Variants in CDH12 observed in about 807,000 individuals in gnomAD.
The protein encoded by CDH12 is cadherin 12.
A neutral mutation model predicts 74.1 loss-of-function variants in CDH12; 41 were observed. That is an observed-to-expected ratio of 0.55 (90% CI 0.43 to 0.72). CDH12 has a LOEUF of 0.72. CDH12 is among the 30% of genes least tolerant of loss of function. The pLI is 0.00. For missense variants in CDH12, 945 were observed against 977.2 expected (o/e 0.97, Z 0.44); for synonymous variants, 399 against 355.0 (o/e 1.12, Z -1.39).
At chr5:21,760,712 T>A in intron 12 of CDH12, 37 bp from the exon 13 acceptor site, 1 of 1,225,518 alleles carries the variant, frequency 8.2e-7, no homozygotes, top group Non-Finnish European at 1.2e-6. Context: ...GTCATCAGTT[T>A]CAAAGAGGAC....
chr5:22,502,196 T>C (rs1177399787), intron 2 of CDH12, among the ~76,000 whole-genome samples: 2 of 152,032 alleles, frequency 1.3e-5, no homozygotes, highest in Non-Finnish European at 2.9e-5. Flanking sequence ...CAGTGGGAGG[T>C]AATTGAATCA....
chr5:22,709,922 A>G (rs184454100), intron 1 of CDH12, among the ~76,000 whole-genome samples: 10 of 152,260 alleles, frequency 6.6e-5, no homozygotes, highest in Non-Finnish European at 1.2e-4. Flanking sequence ...CAAAGGTGTG[A>G]TTATGTGTAG....
intron 12 of CDH12, among the ~76,000 whole-genome samples, chr5:21,761,258 T>C (rs928952590): frequency 2.0e-5 from 3 of 152,182 alleles, no homozygotes; most frequent in Non-Finnish European, 4.4e-5. Flanking sequence ...AAATTTTTCC[T>C]AAATTGCTTC....
chr5:21,780,999 G>A (rs1450427289), intron 11 of CDH12, among the ~76,000 whole-genome samples: 2 of 152,108 alleles, frequency 1.3e-5, no homozygotes, highest in Admixed American at 1.3e-4. Flanking sequence ...TCAAGAAGGG[G>A]AGACTGTCAT....
At chr5:22,190,369 TATCTATCTATC>T (rs1398151602) in intron 4 of CDH12, among the ~76,000 whole-genome samples, 22 of 136,426 alleles carry the variant, frequency 1.6e-4, no homozygotes, top group Non-Finnish European at 2.9e-4. Context: ...TCTATCTATC[TATCTATCTATC>T]TATCTATCTA....
intron 5 of CDH12, among the ~76,000 whole-genome samples, chr5:22,051,020 C>T (rs908741832): frequency 7.2e-5 from 11 of 152,124 alleles, no homozygotes; most frequent in African/African-American, 2.7e-4. Context: ...CTTACTCAGG[C>T]TGTCATTAAG....
intron 2 of CDH12, among the ~76,000 whole-genome samples, chr5:22,465,556 G>A (rs534527512): frequency 1.1e-4 from 17 of 152,294 alleles, no homozygotes; most frequent in Admixed American, 9.1e-4. Context: ...TAAGGTAGGA[G>A]GATTGCTTGA....
At chr5:22,282,866 T>C (rs1321400015) in intron 3 of CDH12, among the ~76,000 whole-genome samples, 1 of 152,108 alleles carries the variant, frequency 6.6e-6, no homozygotes, top group Non-Finnish European at 1.5e-5. Flanking sequence ...AAATGCCACT[T>C]GACCCAGCAA....
intron 5 of CDH12, among the ~76,000 whole-genome samples, chr5:22,024,000 G>C (rs923165012): frequency 6.6e-6 from 1 of 152,162 alleles, no homozygotes; most frequent in Admixed American, 6.6e-5. Flanking sequence ...ACTGCAAAGT[G>C]CTGGGAGTTG....
chr5:22,490,601 C>T (rs866344421), intron 2 of CDH12, among the ~76,000 whole-genome samples: 2 of 151,724 alleles, frequency 1.3e-5, no homozygotes, highest in African/African-American at 4.8e-5. Context: ...GCAAATTTCT[C>T]AACTTTAGAA....
At position 22,117,466 on chromosome 5, in the gene CDH12, ATAATATATATAT is replaced by A. The variant is rs1290916853; in HGVS notation, c.-186-38616_-186-38605del. 8.4e-4 allele frequency among the ~76,000 whole-genome samples: 55 copies of A among 65,636 alleles called. 1 individual carries two copies. The highest frequency in any genetic ancestry group is 3.1e-3 in the African/African-American group (55 of 18,014). 43.1% of individuals were successfully genotyped at this position (65,636 alleles called of 152,430 possible). ...TATATATAATATATATATTATATAT[ATAATATATATAT>A]TATATATATATTATATATATATAAT... is the stretch of plus-strand genomic sequence containing the variant. On this transcript the variant is annotated intron_variant, in intron 4 of 14. Coordinates refer to ENST00000382254, the MANE Select transcript of CDH12 (RefSeq NM_004061.5).
chr5:22,454,996 A>T (rs565484953), intron 2 of CDH12, among the ~76,000 whole-genome samples: 1 of 152,330 alleles, frequency 6.6e-6, no homozygotes, highest in African/African-American at 2.4e-5. Flanking sequence ...ATGTGAAGGA[A>T]TGAAGAAGTA....
In CDH12 at chr5:22,012,314, G is replaced by A. The variant is rs1363187906; in HGVS notation, c.232-36929C>T. On this transcript the variant is annotated intron_variant, in intron 5 of 14. Transcript: ENST00000382254. The stretch of plus-strand genomic sequence containing the variant: ...TAATTGTTGTCAAATAAGTGAAAGA[G>A]TTGTTAGACTTTAAAAAAAACATTA... Among the ~76,000 whole-genome samples the A allele has an allele frequency of 2.0e-5, 3 of 151,938 alleles. No homozygotes were observed. The East Asian group carries it at 5.8e-4, about 29-fold the overall frequency.
In CDH12 at chr5:21,751,716, A is replaced by G; in HGVS notation, c.*21T>C. ...TTTAAAAATCTCCCCTCTCGGTTGTATTTTAGCCTCCACGACTCCCTTAAG... is the reference window on the plus strand; with the variant it reads ...TTTAAAAATCTCCCCTCTCGGTTGTGTTTTAGCCTCCACGACTCCCTTAAG... On this transcript the variant is annotated 3_prime_UTR_variant, in exon 15 of 15. Transcript: ENST00000382254. 1 of 1,576,940 alleles carries G rather than the reference A, an allele frequency of 6.3e-7. No homozygotes were observed. The highest frequency in any genetic ancestry group is 8.6e-7 in the Non-Finnish European group (1 of 1,165,468).
chr5:21,881,723 G>A (rs1318972501), intron 6 of CDH12, among the ~76,000 whole-genome samples: 1 of 152,008 alleles, frequency 6.6e-6, no homozygotes, highest in African/African-American at 2.4e-5. Flanking sequence ...ATACAAAATG[G>A]TTACTAATGG....
At chr5:22,283,203 GAGATATATATAT>G (rs201244777) in intron 3 of CDH12, among the ~76,000 whole-genome samples, 19,112 of 75,300 alleles carry the variant, frequency 0.25, 1,415 homozygotes, top group Admixed American at 0.35. Flanking sequence ...GAACATCTGT[GAGATATATATAT>G]AGATATATAT....
intron 11 of CDH12, among the ~76,000 whole-genome samples, chr5:21,770,406 C>A (rs566427039): frequency 6.6e-6 from 1 of 151,976 alleles, no homozygotes; most frequent in Middle Eastern, 3.2e-3. Flanking sequence ...AGTGGATCAC[C>A]TGAGGTCAGG....
chr5:22,506,837 C>G (rs1325315921), intron 1 of CDH12, among the ~76,000 whole-genome samples: 2 of 152,062 alleles, frequency 1.3e-5, no homozygotes, highest in Admixed American at 6.6e-5. Context: ...ATACTGATAA[C>G]TTCAACTCCA....
At chr5:22,496,368 C>T (rs1323595750) in intron 2 of CDH12, among the ~76,000 whole-genome samples, 1 of 152,070 alleles carries the variant, frequency 6.6e-6, no homozygotes, top group Non-Finnish European at 1.5e-5. Flanking sequence ...TTTACATGTT[C>T]TAGGGAAAAT....
Sources: allele counts gnomAD v4.1 joint callset (sites outside exome capture counted in the v4.1 genomes callset), GRCh38; gene constraint gnomAD v4.1.1; transcripts MANE v1.5; gene names NCBI Gene and HGNC (gene_info 2026-07-23, HGNC 2026-07-21).